LEO1: variants seen among roughly 807,000 people sequenced by gnomAD.
LEO1 encodes LEO1 component of Paf1/RNA polymerase II complex.
Under a neutral mutation model 80.4 loss-of-function variants are expected in LEO1, and 34 were observed. That is an observed-to-expected ratio of 0.42 (90% CI 0.32 to 0.56). The LOEUF (loss-of-function observed/expected upper bound fraction) is 0.56, where lower values mean the gene tolerates loss of function less well. Ranked by LOEUF, LEO1 falls within the 20% of genes least tolerant of loss-of-function variation. The pLI, the probability that LEO1 is intolerant of heterozygous loss-of-function variation, is 0.10. For synonymous variants in LEO1, 262 were observed against 274.9 expected (o/e 0.95, Z 0.46); for missense variants, 631 against 814.2 (o/e 0.77, Z 2.74).
At chr15:51,940,664 C>T (rs1391709861) in intron 11 of LEO1, among the ~76,000 whole-genome samples, 2 of 151,554 alleles carry the variant, frequency 1.3e-5, no homozygotes, top group Admixed American at 6.6e-5. Flanking sequence ...TACCTGTAAA[C>T]GCAGGGCTTT....
chr15:51,943,663 G>A (rs545975735), intron 11 of LEO1, among the ~76,000 whole-genome samples: 26 of 149,574 alleles, frequency 1.7e-4, no homozygotes, highest in Non-Finnish European at 4.4e-5. Flanking sequence ...TCGCACCACC[G>A]CACCCCTGCC....
At position 51,971,709 on chromosome 15, in the gene LEO1, C is replaced by G. The variant is rs1440573100; in HGVS notation, c.37G>C (p.Asp13His). ...DMEDLFGSDA[D>H]SEAERKDSDS... Reference sequence around the variant, plus strand: ...CCACCTTTACGCTCAGCTTCGCTGTCGGCGTCGCTCCCGAAGAGATCCTCC... The same window carrying G: ...CCACCTTTACGCTCAGCTTCGCTGTGGGCGTCGCTCCCGAAGAGATCCTCC... Residue 13 changes from aspartate (D) to histidine (H), a missense_variant, in exon 1 of 12, where the codon GAC (aspartate) becomes CAC (histidine). Transcript: ENST00000299601. 1 of 1,614,078 alleles carries G rather than the reference C, an allele frequency of 6.2e-7. No individual in the cohort carries two copies. The highest frequency in any genetic ancestry group is 1.3e-5 in the African/African-American group (1 of 74,950).
intron 8 of LEO1, 182 bp from the exon 9 acceptor site, chr15:51,952,161 A>C: frequency 2.0e-6 from 1 of 489,122 alleles, no homozygotes; most frequent in Middle Eastern, 5.3e-4. Context: ...TCTGTGGCTC[A>C]CTGAGACATT....
At chr15:51,939,749 T>C (rs140529909) in intron 11 of LEO1, among the ~76,000 whole-genome samples, 610 of 152,366 alleles carry the variant, frequency 4.0e-3, no homozygotes, top group Non-Finnish European at 6.8e-3. Flanking sequence ...CTTGGTGTGT[T>C]TGTCTTTTCA....
At chr15:51,971,557 T>C (rs1009922319) in intron 1 of LEO1, 131 bp downstream of exon 1, 26 of 860,648 alleles carry the variant, frequency 3.0e-5, no homozygotes, top group Non-Finnish European at 4.4e-5. Flanking sequence ...CCTCCGGGAG[T>C]GCAGGGGGCG....
At chr15:51,946,396 A>G (rs1363114452) in intron 11 of LEO1, among the ~76,000 whole-genome samples, 5 of 152,036 alleles carry the variant, frequency 3.3e-5, no homozygotes, top group African/African-American at 4.8e-5. Context: ...AGGTTTCTCC[A>G]TGTTGGTCAG....
In LEO1 at chr15:51,949,919, G is replaced by A. The variant is rs763207496; in HGVS notation, c.1687C>T (p.Arg563Trp). ...QRRMREKQHQ[R>W]GLSASYLEPD... ...TCCAGGTAACTGGCGCTCAGCCCCCGCTGGTGCTGTTTCTCTCTCATTCGG... is the reference window on the plus strand; with the variant it reads ...TCCAGGTAACTGGCGCTCAGCCCCCACTGGTGCTGTTTCTCTCTCATTCGG... The change falls in exon 10 of 12, where the codon CGG becomes TGG. Residue 563 changes from arginine (R) to tryptophan (W), a missense_variant. By Grantham distance (101) the Arg-to-Trp change is moderately radical (BLOSUM62 -3). Transcript: ENST00000299601. 2.5e-6 allele frequency: 4 copies of A among 1,613,864 alleles called. No individual in the cohort carries two copies. Among genetic ancestry groups the A allele is most frequent in the Admixed American group, 1.7e-5 (1 of 59,996 alleles).
intron 6 of LEO1, among the ~76,000 whole-genome samples, chr15:51,956,277 G>A (rs1286400695): frequency 2.0e-5 from 3 of 151,934 alleles, no homozygotes; most frequent in Admixed American, 6.6e-5. Flanking sequence ...AAAATTACCC[G>A]GGCATGGTGG....
chr15:51,941,551 C>G (rs1032128134), intron 11 of LEO1, among the ~76,000 whole-genome samples: 7 of 152,186 alleles, frequency 4.6e-5, no homozygotes, highest in Non-Finnish European at 1.0e-4. Flanking sequence ...CTCCTTTCCA[C>G]TGTCTCCATG....
intron 5 of LEO1, 45 bp from the exon 6 acceptor site, chr15:51,958,871 GA>G (rs754363154): frequency 5.2e-6 from 5 of 970,538 alleles, no homozygotes; most frequent in Non-Finnish European, 7.9e-6. Flanking sequence ...ATTTTATAAA[GA>G]ATATTACTGC....
At chr15:51,971,160 A>C (rs1397707974) in intron 1 of LEO1, among the ~76,000 whole-genome samples, 1 of 152,140 alleles carries the variant, frequency 6.6e-6, no homozygotes, top group Admixed American at 6.6e-5. Context: ...ATTCTCTCCT[A>C]TGTGAAACAT....
intron 9 of LEO1, among the ~76,000 whole-genome samples, 191 bp from the exon 10 acceptor site, chr15:51,950,185 G>A (rs2056937831): frequency 6.6e-6 from 1 of 152,176 alleles, no homozygotes. Flanking sequence ...GCAACACAAG[G>A]GTAAAGCGGC....
chr15:51,948,379 G>A (rs1338205305), intron 10 of LEO1, among the ~76,000 whole-genome samples: 1 of 151,994 alleles, frequency 6.6e-6, no homozygotes, highest in Non-Finnish European at 1.5e-5. Flanking sequence ...TTTAATTTTT[G>A]TGTGGTTTAT....
At chr15:51,953,078 G>GT (rs1424046507) in intron 8 of LEO1, 51 bp downstream of exon 8, 1 of 1,512,610 alleles carries the variant, frequency 6.6e-7, no homozygotes, top group Non-Finnish European at 9.1e-7. Context: ...AAACATCTAT[G>GT]TTTCACTGCT....
At chr15:51,968,499 C>T (rs2057095993) in intron 1 of LEO1, among the ~76,000 whole-genome samples, 1 of 151,916 alleles carries the variant, frequency 6.6e-6, no homozygotes, top group Non-Finnish European at 1.5e-5. Context: ...CGAGATCGTG[C>T]CACTGCATGA....
intron 7 of LEO1, 125 bp from the exon 8 acceptor site, chr15:51,953,388 C>A: frequency 1.1e-6 from 1 of 886,178 alleles, no homozygotes; most frequent in Non-Finnish European, 1.7e-6. Flanking sequence ...TTTGGGACAC[C>A]AAGGCAGGTG....
At chr15:51,950,386 C>G (rs1476297361) in intron 9 of LEO1, among the ~76,000 whole-genome samples, 1 of 152,176 alleles carries the variant, frequency 6.6e-6, no homozygotes, top group East Asian at 1.9e-4. Flanking sequence ...ATCCCTGAAC[C>G]ACAGACAACT....
chr15:51,962,399 C>G lies in LEO1; in HGVS notation c.909G>C (p.Glu303Asp). 1 of 1,609,092 alleles carries G rather than the reference C, an allele frequency of 6.2e-7. No homozygotes were observed. The highest frequency in any genetic ancestry group is 8.5e-7 in the Non-Finnish European group (1 of 1,176,286). ...TAATAATAGGGATACCTTTTGGCACCTCAGTGTCACTATCCGCTTCTGAAT... is the reference window on the plus strand; with the variant it reads ...TAATAATAGGGATACCTTTTGGCACGTCAGTGTCACTATCCGCTTCTGAAT... Reference protein sequence around the residue: ...ASDSEADSDTEVPKDNSGTMD... With the variant: ...ASDSEADSDTDVPKDNSGTMD... The change falls in exon 3 of 12, where the codon GAG becomes GAC. Residue 303 changes from glutamate (E) to aspartate (D), a missense_variant. Glu to Asp is a conservative substitution (Grantham distance 45). Around this residue, in one of 4 missense-constraint regions of LEO1, gnomAD observed 394 missense variants for 395.6 expected, o/e 1.00. Coordinates refer to ENST00000299601, the MANE Select transcript of LEO1 (RefSeq NM_138792.4).
At chr15:51,949,732 A>T in intron 10 of LEO1, 76 bp downstream of exon 10, 1 of 1,204,710 alleles carries the variant, frequency 8.3e-7, no homozygotes, top group Non-Finnish European at 1.2e-6. Context: ...GTGACTTGGC[A>T]GCCGGATTAC....
Sources: allele counts gnomAD v4.1 joint callset (sites outside exome capture counted in the v4.1 genomes callset), GRCh38; gene constraint gnomAD v4.1.1; regional missense constraint gnomAD v4.1.1; transcripts MANE v1.5; gene names NCBI Gene and HGNC (gene_info 2026-07-23, HGNC 2026-07-21).